The following DMD variants were observed in gnomAD, a reference collection of about 807,000 sequenced individuals.
The protein encoded by DMD is mutant dystrophin.
Under a neutral mutation model 330.1 loss-of-function variants are expected in DMD, and 63 were observed. The ratio of observed to expected loss-of-function variants is 0.19; its 90% CI spans 0.16 to 0.24. The LOEUF is 0.24. DMD is among the 10% of genes least tolerant of loss of function. The probability of loss-of-function intolerance (pLI) is 1.00; values close to 1 mark genes in which losing one functional copy is unlikely to be tolerated. For missense variants in DMD, 3,344 were observed against 2,684.1 expected, an observed-to-expected ratio of 1.25 and a Z score of -5.43; for synonymous variants, 1,223 against 959.8, an observed-to-expected ratio of 1.27 and a Z score of -5.07.
chrX:32,864,610 G>A (rs2082340422), intron 2 of DMD, among the ~76,000 whole-genome samples: 1 of 111,675 alleles, frequency 9.0e-6, no homozygotes, highest in South Asian at 3.7e-4. Context: ...ATATACATTA[G>A]GAAAATTCTT....
chrX:33,194,297 C>T (rs1431169967), intron 1 of DMD, among the ~76,000 whole-genome samples: 1 of 110,286 alleles, frequency 9.1e-6, no homozygotes, highest in East Asian at 2.8e-4. Context: ...CACATTTCTA[C>T]AATGTGAGCC....
chrX:33,066,943 AT>A (rs760852382), intron 1 of DMD, among the ~76,000 whole-genome samples: 13 of 112,137 alleles, frequency 1.2e-4, no homozygotes, highest in African/African-American at 3.9e-4. Context: ...CACGGAGTAA[AT>A]TATTTTCATA....
At chrX:31,736,750 G>A (rs2086902658) in intron 51 of DMD, among the ~76,000 whole-genome samples, 2 of 110,870 alleles carry the variant, frequency 1.8e-5, no homozygotes, top group South Asian at 7.7e-4. Context: ...GTTGTTTATT[G>A]AGTGCATACC....
intron 51 of DMD, among the ~76,000 whole-genome samples, chrX:31,763,317 A>G (rs973571430): frequency 1.8e-5 from 2 of 112,522 alleles, no homozygotes; most frequent in African/African-American, 6.5e-5. Flanking sequence ...TAATCCCCGC[A>G]CTTTGGGAGG....
At chrX:32,818,961 G>C (rs754387287) in intron 5 of DMD, among the ~76,000 whole-genome samples, 1 of 104,529 alleles carries the variant, frequency 9.6e-6, no homozygotes, top group South Asian at 4.4e-4. Context: ...CACAGCTCTA[G>C]TTCTTCCTCT....
intron 55 of DMD, among the ~76,000 whole-genome samples, chrX:31,618,081 G>A (rs1603427446): frequency 9.0e-6 from 1 of 110,958 alleles, no homozygotes; most frequent in African/African-American, 3.3e-5. Context: ...CTAGGGTGGA[G>A]GGTGGGAGGA....
At chrX:32,990,061 G>A (rs896228555) in intron 2 of DMD, among the ~76,000 whole-genome samples, 2 of 111,998 alleles carry the variant, frequency 1.8e-5, no homozygotes, top group Non-Finnish European at 1.9e-5. Flanking sequence ...ACATAGAAAT[G>A]TAACTCCTTG....
intron 55 of DMD, among the ~76,000 whole-genome samples, chrX:31,514,308 C>G (rs1603295382): frequency 9.0e-6 from 1 of 111,420 alleles, no homozygotes; most frequent in Admixed American, 9.5e-5. Flanking sequence ...GCTGAGAGTA[C>G]CAAAAAAGTT....
At chrX:33,126,059 A>G (rs1177846887) in intron 1 of DMD, among the ~76,000 whole-genome samples, 3 of 105,816 alleles carry the variant, frequency 2.8e-5, no homozygotes, top group African/African-American at 1.0e-4. Flanking sequence ...AAAAAAATTG[A>G]GGTTTTACGT....
At chrX:31,986,922 G>T (rs1230254075) in intron 44 of DMD, among the ~76,000 whole-genome samples, 1 of 111,934 alleles carries the variant, frequency 8.9e-6, no homozygotes, top group East Asian at 2.8e-4. Context: ...CTGAATCCTG[G>T]TAACTATGAT....
chrX:33,009,430 A>G lies in DMD; in HGVS notation c.93+10709T>C, dbSNP rs747338857. Among the ~76,000 whole-genome samples the G allele has an allele frequency of 5.0e-4, 15 of 29,799 alleles. 1 individual carries two copies. Among genetic ancestry groups the G allele is most frequent in the Admixed American group, 5.4e-4 (2 of 3,721 alleles). 25.9% of individuals were successfully genotyped at this position (29,799 alleles called of 115,157 possible). On this transcript the variant is annotated intron_variant, in intron 2 of 78. Coordinates refer to ENST00000357033, the MANE Select transcript of DMD (RefSeq NM_004006.3). The stretch of plus-strand genomic sequence containing the variant: ...TGTATATACACATGTGTGTATATGT[A>G]TGTGTATACACATATGTATGTATGT...
At chrX:32,108,154 T>C in intron 44 of DMD, among the ~76,000 whole-genome samples, 1 of 111,787 alleles carries the variant, frequency 8.9e-6, no homozygotes, top group Middle Eastern at 4.2e-3. Context: ...GACAGCCAAC[T>C]TTTTGTTCTT....
chrX:32,725,528 CAA>C (rs1323122183), intron 7 of DMD, among the ~76,000 whole-genome samples: 5 of 110,058 alleles, frequency 4.5e-5, no homozygotes, highest in African/African-American at 9.9e-5. Context: ...AAGACAAAAA[CAA>C]AGAGTCAAAA....
chrX:31,193,898 C>T (rs1037873486), intron 67 of DMD, among the ~76,000 whole-genome samples: 1 of 111,510 alleles, frequency 9.0e-6, no homozygotes, highest in Non-Finnish European at 1.9e-5. Context: ...ATGTCAACGT[C>T]AGCCCGGCGT....
At chrX:32,389,773 T>C in intron 31 of DMD, 99 bp from the exon 32 acceptor site, 1 of 838,878 alleles carries the variant, frequency 1.2e-6, no homozygotes, top group East Asian at 3.2e-5. Flanking sequence ...TCTGAAGATA[T>C]ACAGAAAAAT....
In DMD at chrX:32,380,511, T is replaced by G. The variant is rs1422911313; in HGVS notation, c.4844A>C (p.Lys1615Thr). 1 of 1,208,331 alleles carries G rather than the reference T, an allele frequency of 8.3e-7. No individual in the cohort carries two copies. Among genetic ancestry groups the G allele is most frequent in the Non-Finnish European group, 1.1e-6 (1 of 894,026 alleles). ...AACCTTCAGTGATATAGGTTTTACC[T>G]TTCCCCAGGCAACTTCAGAATCCAA... ...SNLDSEVAWG[K>T]ATQKEIEKQK... Residue 1615 changes from lysine to threonine, a missense_variant and splice_region_variant, in exon 34 of 79, where the codon AAG (lysine) becomes ACG (threonine). Coordinates refer to ENST00000357033, the MANE Select transcript of DMD (RefSeq NM_004006.3).
chrX:32,022,128 A>G (rs1010518225), intron 44 of DMD, among the ~76,000 whole-genome samples: 5 of 111,922 alleles, frequency 4.5e-5, no homozygotes, highest in African/African-American at 1.6e-4. Context: ...ACACATATAC[A>G]GAATCACTTT....
intron 43 of DMD, among the ~76,000 whole-genome samples, chrX:32,244,120 C>A (rs1387939387): frequency 8.9e-5 from 7 of 78,355 alleles, no homozygotes; most frequent in African/African-American, 2.9e-4. Context: ...CCCACCCCAC[C>A]ACAGTCCCCA....
Position 32,293,389 on chromosome X carries a change from A to C in DMD, c.6118-5688T>G, listed in dbSNP as rs369162443. On this transcript the variant is annotated intron_variant, in intron 42 of 78. Coordinates refer to ENST00000357033, the MANE Select transcript of DMD (RefSeq NM_004006.3). ...GCAGAGGAAGGAGATGAGTATCCCT[A>C]AAGAATAATAGTCATCAGACCCAGG... is the stretch of plus-strand genomic sequence containing the variant. 1.2e-4 allele frequency among the ~76,000 whole-genome samples: 13 copies of C among 111,535 alleles called. No individual in the cohort carries two copies. The East Asian group carries it at 3.7e-3, about 32-fold the overall frequency.
Sources: gnomAD v4.1 joint callset for allele counts (sites outside exome capture counted in the v4.1 genomes callset) on GRCh38, gnomAD v4.1.1 for gene constraint, MANE v1.5 for transcripts, NCBI Gene and HGNC (gene_info 2026-07-23, HGNC 2026-07-21) for gene names.